Variants in GLRA2 observed in about 807,000 individuals in gnomAD.
GLRA2 encodes glycine receptor subunit alpha-2.
A neutral mutation model predicts 31.6 loss-of-function variants in GLRA2; 11 were observed. That is an observed-to-expected ratio of 0.35 (90% confidence interval 0.22 to 0.58). The LOEUF is 0.58. GLRA2 is among the 20% of genes least tolerant of loss of function. The pLI is 0.84. For missense variants in GLRA2, 212 were observed against 351.8 expected, an observed-to-expected ratio of 0.60 and a Z score of 3.18; for synonymous variants, 132 against 134.0, an observed-to-expected ratio of 0.99 and a Z score of 0.10.
At chrX:14,482,192 T>C in the GLRA2 span, among the ~76,000 whole-genome samples, 1 of 111,843 alleles carries the variant, frequency 8.9e-6, no homozygotes, top group Non-Finnish European at 1.9e-5. Context: ...GTGAACACAA[T>C]TCAAAATTAA....
intron 8 of GLRA2, among the ~76,000 whole-genome samples, chrX:14,699,651 A>G (rs999216304): frequency 3.8e-4 from 43 of 111,856 alleles, no homozygotes; most frequent in African/African-American, 1.4e-3. Context: ...ACTGTGCAAT[A>G]GAAGACCAGA....
At chrX:14,542,684 G>A (rs1275871088) in intron 2 of GLRA2, among the ~76,000 whole-genome samples, 1 of 110,400 alleles carries the variant, frequency 9.1e-6, no homozygotes, top group Non-Finnish European at 1.9e-5. Context: ...AAGTGTAGGG[G>A]TGCATGATTT....
At chrX:14,728,869 A>G (rs1489845661) in intron 8 of GLRA2, among the ~76,000 whole-genome samples, 4 of 112,131 alleles carry the variant, frequency 3.6e-5, no homozygotes, top group South Asian at 3.7e-4. Flanking sequence ...TAATCTACCT[A>G]TTCTGAAGTC....
the GLRA2 span, among the ~76,000 whole-genome samples, chrX:14,506,361 C>T: frequency 9.0e-6 from 1 of 111,262 alleles, no homozygotes; most frequent in Non-Finnish European, 1.9e-5. Flanking sequence ...TCCTTTTTGC[C>T]TTGCATCCTC....
At chrX:14,661,272 T>C (rs905828530) in intron 7 of GLRA2, among the ~76,000 whole-genome samples, 3 of 112,464 alleles carry the variant, frequency 2.7e-5, no homozygotes, top group African/African-American at 9.7e-5. Context: ...GCAGGTATCA[T>C]AGTAAAGGAT....
chrX:14,639,701 T>C (rs754219057), intron 7 of GLRA2, among the ~76,000 whole-genome samples: 2 of 111,958 alleles, frequency 1.8e-5, no homozygotes, highest in South Asian at 3.7e-4. Context: ...TTCTAACAAA[T>C]GCCTGGAGAC....
At chrX:14,704,358 C>CTTTT (rs1462073367) in intron 8 of GLRA2, among the ~76,000 whole-genome samples, 1 of 112,054 alleles carries the variant, frequency 8.9e-6, no homozygotes, top group Non-Finnish European at 1.9e-5. Context: ...GTGTAAGATT[C>CTTTT]TTTTTTTCCA....
chrX:14,642,457 C>T (rs187053874), intron 7 of GLRA2, among the ~76,000 whole-genome samples: 3 of 111,928 alleles, frequency 2.7e-5, no homozygotes, highest in African/African-American at 9.7e-5. Flanking sequence ...CAGAGAACAG[C>T]GCTGACTGCC....
intron 4 of GLRA2, among the ~76,000 whole-genome samples, chrX:14,597,362 T>G (rs1275151597): frequency 8.9e-6 from 1 of 112,173 alleles, no homozygotes. Context: ...AAAGTTTTCA[T>G]CATATTCAAG....
intron 8 of GLRA2, among the ~76,000 whole-genome samples, chrX:14,707,937 A>T (rs2091652594): frequency 1.8e-5 from 2 of 111,170 alleles, no homozygotes. Flanking sequence ...ACTAATTAAC[A>T]TGTCCATCAT....
the GLRA2 span, among the ~76,000 whole-genome samples, chrX:14,463,617 C>T: frequency 3.6e-5 from 4 of 110,967 alleles, no homozygotes; most frequent in South Asian, 1.2e-3. Flanking sequence ...TGTCCCAGGT[C>T]GATCTCAGAC....
upstream of GLRA2, among the ~76,000 whole-genome samples, chrX:14,524,742 T>TTGTGTG (rs113079569): frequency 6.1e-4 from 64 of 105,233 alleles, no homozygotes; most frequent in Middle Eastern, 4.8e-3. Context: ...TTCAACATAT[T>TTGTGTG]TGTGTGTGTG....
chrX:14,721,775 T>C (rs1371417605), intron 8 of GLRA2, among the ~76,000 whole-genome samples: 2 of 111,658 alleles, frequency 1.8e-5, no homozygotes, highest in Non-Finnish European at 3.8e-5. Context: ...AATGGCCTGT[T>C]CTTCAGTTCT....
At chrX:14,463,991 C>G in the GLRA2 span, among the ~76,000 whole-genome samples, 1 of 112,039 alleles carries the variant, frequency 8.9e-6, no homozygotes, top group South Asian at 3.7e-4. Flanking sequence ...TGTTCCTAAT[C>G]TGCCACCTTG....
chrX:14,544,138 A>G (rs2147014269), intron 2 of GLRA2, among the ~76,000 whole-genome samples: 1 of 112,123 alleles, frequency 8.9e-6, no homozygotes, highest in East Asian at 2.8e-4. Flanking sequence ...ATTACTCTAC[A>G]AGTTAGAATA....
At chrX:14,484,167 C>T in the GLRA2 span, among the ~76,000 whole-genome samples, 1 of 111,281 alleles carries the variant, frequency 9.0e-6, no homozygotes, top group Non-Finnish European at 1.9e-5. Flanking sequence ...TCTAGAGAAC[C>T]CTAATACGAT....
chrX:14,544,489 T>G (rs1234095832), intron 2 of GLRA2, among the ~76,000 whole-genome samples: 1 of 111,676 alleles, frequency 9.0e-6, no homozygotes, highest in Non-Finnish European at 1.9e-5. Context: ...TTGCTGAGAA[T>G]AGTTTTTCCA....
chrX:14,632,968 T>C lies in GLRA2; in HGVS notation c.930+23763T>C, dbSNP rs767989537. On this transcript the variant is annotated intron_variant, in intron 7 of 8. Coordinates refer to ENST00000218075, the MANE Select transcript of GLRA2 (RefSeq NM_002063.4). The stretch of plus-strand genomic sequence containing the variant: ...GGACCACATAGTAAATATTTTAGGC[T>C]TGCAAGCCATAAGGTCTCTGTCACA... 2.7e-5 allele frequency among the ~76,000 whole-genome samples: 3 copies of C among 111,767 alleles called. No individual in the cohort carries two copies. The South Asian group carries it at 1.1e-3, about 42-fold the overall frequency.
chrX:14,449,903 A>C, the GLRA2 span, among the ~76,000 whole-genome samples: 4 of 111,929 alleles, frequency 3.6e-5, no homozygotes, highest in African/African-American at 9.7e-5. Flanking sequence ...GTATAGGCTC[A>C]TGTGCTGGCA....
Sources: gnomAD v4.1 joint callset for allele counts (sites outside exome capture counted in the v4.1 genomes callset) on GRCh38, gnomAD v4.1.1 for gene constraint, MANE v1.5 for transcripts, NCBI Gene and HGNC (gene_info 2026-07-23, HGNC 2026-07-21) for gene names.